TBL1XR1: variants seen among roughly 807,000 people sequenced by gnomAD.
TBL1XR1 encodes TBL1X/Y related 1.
TBL1XR1 carries 5 observed loss-of-function variants against 66.9 expected under a neutral mutation model. The observed-to-expected ratio is 0.07, with a 90% CI of 0.04 to 0.16. TBL1XR1 has a LOEUF of 0.16. Among genes scored for constraint, TBL1XR1 ranks in the 10% least tolerant of loss-of-function variants. TBL1XR1 has a pLI of 1.00. For synonymous variants in TBL1XR1, 210 were observed against 206.0 expected (o/e 1.02, Z -0.17); for missense variants, 238 against 623.2 (o/e 0.38, Z 6.58).
chr3:177,190,104 G>A (rs1163222407), intron 1 of TBL1XR1, among the ~76,000 whole-genome samples: 3 of 117,316 alleles, frequency 2.6e-5, no homozygotes, highest in African/African-American at 1.0e-4. Flanking sequence ...TTGCACTCCA[G>A]CCCGGGCAAC....
At chr3:177,109,173 T>C (rs913467224) in intron 1 of TBL1XR1, among the ~76,000 whole-genome samples, 1 of 152,154 alleles carries the variant, frequency 6.6e-6, no homozygotes, top group Admixed American at 6.5e-5. Flanking sequence ...AGTTAATATA[T>C]AAACAAAATT....
chr3:177,157,300 T>C (rs1191445170), intron 1 of TBL1XR1, among the ~76,000 whole-genome samples: 3 of 152,202 alleles, frequency 2.0e-5, no homozygotes, highest in Non-Finnish European at 4.4e-5. Context: ...GGCACCAGCA[T>C]TCCCTTGGCT....
At chr3:177,141,716 T>C (rs1041348335) in intron 1 of TBL1XR1, among the ~76,000 whole-genome samples, 27 of 152,208 alleles carry the variant, frequency 1.8e-4, no homozygotes, top group African/African-American at 6.3e-4. Flanking sequence ...AAACTGTTAG[T>C]GGACCAAAAC....
At chr3:177,170,344 C>A (rs1031248691) in intron 1 of TBL1XR1, among the ~76,000 whole-genome samples, 1 of 152,126 alleles carries the variant, frequency 6.6e-6, no homozygotes, top group African/African-American at 2.4e-5. Flanking sequence ...CTATCCCTGG[C>A]GGTCTTTCCA....
intron 2 of TBL1XR1, among the ~76,000 whole-genome samples, chr3:177,079,295 T>C (rs1167608588): frequency 1.3e-5 from 2 of 151,600 alleles, no homozygotes; most frequent in Admixed American, 6.6e-5. Context: ...TAGTTGGGCG[T>C]GGTGGCAGGC....
chr3:177,045,536 T>C (rs1716213188), intron 10 of TBL1XR1, among the ~76,000 whole-genome samples: 2 of 152,142 alleles, frequency 1.3e-5, no homozygotes, highest in Admixed American at 6.6e-5. Flanking sequence ...AAGTACCACA[T>C]TGAGTATTTC....
intron 1 of TBL1XR1, among the ~76,000 whole-genome samples, chr3:177,135,379 A>ATG (rs1553852799): frequency 1.5e-4 from 4 of 26,370 alleles, no homozygotes; most frequent in Non-Finnish European, 2.5e-4. Context: ...ATATATATAT[A>ATG]TATGTATGTA....
chr3:177,127,135 T>C (rs915126842), intron 1 of TBL1XR1, among the ~76,000 whole-genome samples: 2 of 152,208 alleles, frequency 1.3e-5, no homozygotes, highest in South Asian at 4.1e-4. Context: ...CATAATGTAT[T>C]ATTACATTAA....
At chr3:177,125,997 C>T (rs1251674081) in intron 1 of TBL1XR1, 33 of 152,158 alleles carry the variant, frequency 2.2e-4, no homozygotes, top group Non-Finnish European at 1.5e-5. Context: ...CATTTTGATA[C>T]AGGCATGCAG....
chr3:177,155,823 A>C (rs897750223), intron 1 of TBL1XR1, among the ~76,000 whole-genome samples: 1 of 152,150 alleles, frequency 6.6e-6, no homozygotes, highest in Non-Finnish European at 1.5e-5. Context: ...CAGCCTGACC[A>C]ACATGGAGAA....
intron 1 of TBL1XR1, among the ~76,000 whole-genome samples, chr3:177,187,775 C>T (rs1003336738): frequency 2.0e-5 from 3 of 151,796 alleles, no homozygotes; most frequent in African/African-American, 7.3e-5. Context: ...GGAAAAAAAG[C>T]ACTTATTGAT....
chr3:177,079,664 C>G (rs1721155303), intron 2 of TBL1XR1: 1 of 151,304 alleles, frequency 6.6e-6, no homozygotes, highest in African/African-American at 2.4e-5. Context: ...GAAGAGGTAG[C>G]AGTAAAATAA....
chr3:177,193,459 C>T (rs1736425999), intron 1 of TBL1XR1, among the ~76,000 whole-genome samples: 1 of 151,972 alleles, frequency 6.6e-6, no homozygotes, highest in African/African-American at 2.4e-5. Context: ...TACAGGTACC[C>T]GCCACCACGC....
chr3:177,132,197 G>A (rs560817604), intron 1 of TBL1XR1, among the ~76,000 whole-genome samples: 1 of 152,260 alleles, frequency 6.6e-6, no homozygotes, highest in South Asian at 2.1e-4. Context: ...TGGTTATGTA[G>A]CAAAAATATG....
chr3:177,085,466 A>G (rs1422382421), intron 2 of TBL1XR1, among the ~76,000 whole-genome samples: 3 of 152,246 alleles, frequency 2.0e-5, no homozygotes, highest in Non-Finnish European at 2.9e-5. Flanking sequence ...AAATCTGATC[A>G]TTCTCAAAGG....
upstream of TBL1XR1, among the ~76,000 whole-genome samples, chr3:177,200,672 ATATTACTG>A (rs1737321943): frequency 6.6e-6 from 1 of 152,210 alleles, no homozygotes; most frequent in South Asian, 2.1e-4. Flanking sequence ...TAGAAAGGAG[ATATTACTG>A]TATTACTAAG....
Position 177,020,456 on chromosome 3 carries a change from A to G in TBL1XR1, c.*5042T>C, listed in dbSNP as rs946617873. Reference sequence around the variant, plus strand: ...AAATAGTAAAATTTGTAATTTTATTATGGGCTTAAAGTATATATCTTGGGA... The same window carrying G: ...AAATAGTAAAATTTGTAATTTTATTGTGGGCTTAAAGTATATATCTTGGGA... On this transcript the variant is annotated 3_prime_UTR_variant, in exon 16 of 16. Transcript: ENST00000457928. The G allele has an allele frequency of 5.3e-5, 8 of 152,188 alleles. No individual in the cohort carries two copies. Among genetic ancestry groups the G allele is most frequent in the Admixed American group, 1.3e-4 (2 of 15,272 alleles). The allele number at this position is 152,188 out of a possible 1,614,324, so 9.4% of individuals were successfully genotyped here.
Position 177,021,801 on chromosome 3 carries a change from T to C in TBL1XR1, c.*3697A>G, listed in dbSNP as rs1434035262. ...GGATTTCTGCGGAAACTGTCAACAG[T>C]AGTAATTCACCATATGCAAGTACCA... On this transcript the variant is annotated 3_prime_UTR_variant, in exon 16 of 16. Transcript: ENST00000457928. The C allele has an allele frequency of 3.3e-5, 5 of 152,634 alleles. No individual in the cohort carries two copies. Among genetic ancestry groups the C allele is most frequent in the Admixed American group, 3.3e-4 (5 of 15,280 alleles). The allele number at this position is 152,634 out of a possible 1,614,324, so 9.5% of individuals were successfully genotyped here. A position where few individuals can be genotyped will look rare whatever the true frequency, so the allele number is the denominator to read the frequency against.
intron 1 of TBL1XR1, among the ~76,000 whole-genome samples, chr3:177,119,409 C>T (rs542931586): frequency 3.3e-5 from 5 of 152,096 alleles, no homozygotes; most frequent in African/African-American, 1.2e-4. Context: ...TTTTTCCAAT[C>T]GATGGCTGGA....
Sources: gnomAD v4.1 joint callset for allele counts (sites outside exome capture counted in the v4.1 genomes callset) on GRCh38, gnomAD v4.1.1 for gene constraint, MANE v1.5 for transcripts, NCBI Gene and HGNC (gene_info 2026-07-23, HGNC 2026-07-21) for gene names.